Variants in IL1RAP observed in about 807,000 individuals in gnomAD.
The protein encoded by IL1RAP is interleukin-1 receptor accessory protein.
Under a neutral mutation model 60.7 loss-of-function variants are expected in IL1RAP, and 35 were observed. The observed-to-expected ratio is 0.58, with a 90% confidence interval of 0.44 to 0.76. IL1RAP has a LOEUF of 0.76. Among genes scored for constraint, IL1RAP ranks in the 30% least tolerant of loss-of-function variants. IL1RAP has a pLI of 0.00. For missense variants in IL1RAP, 572 were observed against 693.9 expected (o/e 0.82, Z 1.97); for synonymous variants, 268 against 250.9 (o/e 1.07, Z -0.64).
At chr3:190,598,345 C>T (rs1368138542) in intron 3 of IL1RAP, among the ~76,000 whole-genome samples, 1 of 151,812 alleles carries the variant, frequency 6.6e-6, no homozygotes, top group Admixed American at 6.6e-5. Context: ...TATACTTTAT[C>T]ATTCAAAGTG....
At chr3:190,588,848 G>A (rs764534912) in intron 3 of IL1RAP, among the ~76,000 whole-genome samples, 23 of 152,056 alleles carry the variant, frequency 1.5e-4, no homozygotes, top group South Asian at 8.3e-4. Flanking sequence ...ATAAAAGTAC[G>A]TATAAAAATT....
intron 1 of IL1RAP, among the ~76,000 whole-genome samples, chr3:190,524,153 T>C (rs897936224): frequency 6.6e-6 from 1 of 152,174 alleles, no homozygotes; most frequent in African/African-American, 2.4e-5. Flanking sequence ...GTTTCATGTA[T>C]GTCTTTGGAA....
chr3:190,651,052 C>T lies in IL1RAP; in HGVS notation c.*2347C>T. On this transcript the variant is annotated 3_prime_UTR_variant, in exon 12 of 12. Transcript: ENST00000447382. ...CAAGTTTATGTGATACGTATCATTG[C>T]AAGAGAATTTGTTTCAAGATTTTTT... 1 of 983,940 alleles carries T rather than the reference C, an allele frequency of 1.0e-6. No homozygotes were observed. Among genetic ancestry groups the T allele is most frequent in the East Asian group, 1.1e-4 (1 of 8,810 alleles). The allele number at this position is 983,940 out of a possible 1,614,324, so 61.0% of individuals were successfully genotyped here.
At chr3:190,626,664 C>CTTTTTTTTT (rs766018376) in intron 7 of IL1RAP, among the ~76,000 whole-genome samples, 2 of 99,988 alleles carry the variant, frequency 2.0e-5, no homozygotes, top group African/African-American at 8.7e-5. Flanking sequence ...TGTCAGAGAC[C>CTTTTTTTTT]TTTTTTTTTT....
intron 3 of IL1RAP, among the ~76,000 whole-genome samples, chr3:190,581,932 A>G (rs952326524): frequency 3.9e-5 from 6 of 152,174 alleles, no homozygotes; most frequent in African/African-American, 1.4e-4. Context: ...AGATGGCACC[A>G]ATACTGTGTT....
At chr3:190,599,859 C>A (rs1391866012) in intron 3 of IL1RAP, among the ~76,000 whole-genome samples, 1 of 148,886 alleles carries the variant, frequency 6.7e-6, no homozygotes, top group Non-Finnish European at 1.5e-5. Flanking sequence ...AAAAAAAAAT[C>A]TATTAAAGTT....
chr3:190,577,521 T>A (rs1473552115), intron 3 of IL1RAP, among the ~76,000 whole-genome samples: 1 of 152,170 alleles, frequency 6.6e-6, no homozygotes, highest in Non-Finnish European at 1.5e-5. Context: ...TGTGTAAGCA[T>A]GTGGAAAACC....
intron 3 of IL1RAP, among the ~76,000 whole-genome samples, chr3:190,576,981 G>C (rs1172165485): frequency 6.6e-6 from 1 of 151,508 alleles, no homozygotes; most frequent in Non-Finnish European, 1.5e-5. Context: ...GGCGCCTGTA[G>C]TCCCAGCTAC....
intron 5 of IL1RAP, among the ~76,000 whole-genome samples, chr3:190,614,453 T>C (rs1731087048): frequency 6.6e-6 from 1 of 151,998 alleles, no homozygotes; most frequent in African/African-American, 2.4e-5. Context: ...TTTGACAGAT[T>C]AGGAAATGGC....
intron 3 of IL1RAP, among the ~76,000 whole-genome samples, chr3:190,572,636 C>T (rs969035822): frequency 6.6e-6 from 1 of 152,080 alleles, no homozygotes; most frequent in Non-Finnish European, 1.5e-5. Context: ...TTTAAATACT[C>T]CCCCCTTTTT....
intron 3 of IL1RAP, among the ~76,000 whole-genome samples, chr3:190,597,867 T>A (rs1729516585): frequency 6.6e-6 from 1 of 152,304 alleles, no homozygotes; most frequent in African/African-American, 2.4e-5. Context: ...AATCTACATG[T>A]CGCTCATCAT....
At chr3:190,519,507 G>C (rs1321175580) in intron 1 of IL1RAP, among the ~76,000 whole-genome samples, 2 of 151,974 alleles carry the variant, frequency 1.3e-5, no homozygotes, top group Admixed American at 6.6e-5. Context: ...GTGTGCCTGA[G>C]TGCAAAGCCT....
At chr3:190,611,942 A>G (rs999978218) in intron 5 of IL1RAP, among the ~76,000 whole-genome samples, 14 of 152,222 alleles carry the variant, frequency 9.2e-5, no homozygotes, top group African/African-American at 3.4e-4. Flanking sequence ...GAAAAAAACT[A>G]TAAAGCAAAT....
chr3:190,604,656 G>A (rs1005372414), intron 4 of IL1RAP, among the ~76,000 whole-genome samples: 4 of 152,078 alleles, frequency 2.6e-5, no homozygotes, highest in East Asian at 3.9e-4. Flanking sequence ...AAAGTTGTCC[G>A]AAAGTGGAGC....
chr3:190,526,822 T>C (rs1722551700), intron 1 of IL1RAP, among the ~76,000 whole-genome samples: 1 of 152,250 alleles, frequency 6.6e-6, no homozygotes, highest in Non-Finnish European at 1.5e-5. Flanking sequence ...TTAACTTTCT[T>C]TTAAAAATCA....
At chr3:190,527,618 T>C (rs565590050) in intron 1 of IL1RAP, among the ~76,000 whole-genome samples, 1 of 151,994 alleles carries the variant, frequency 6.6e-6, no homozygotes, top group East Asian at 1.9e-4. Flanking sequence ...ACCAATGAGC[T>C]GAGTTCTATT....
intron 3 of IL1RAP, among the ~76,000 whole-genome samples, chr3:190,583,447 G>A (rs1235109160): frequency 6.6e-6 from 1 of 152,202 alleles, no homozygotes; most frequent in Non-Finnish European, 1.5e-5. Context: ...ACTGATCTCT[G>A]TTTTTACTGT....
chr3:190,571,169 T>G (rs888450808), intron 3 of IL1RAP, among the ~76,000 whole-genome samples: 1 of 152,126 alleles, frequency 6.6e-6, no homozygotes, highest in Non-Finnish European at 1.5e-5. Flanking sequence ...TTTTATTAAT[T>G]TATTATGGTG....
intron 3 of IL1RAP, among the ~76,000 whole-genome samples, chr3:190,579,027 T>A (rs2108673331): frequency 6.6e-6 from 1 of 152,332 alleles, no homozygotes; most frequent in East Asian, 1.9e-4. Flanking sequence ...GCCCTAAACC[T>A]ATCTATACAC....
Sources: allele counts gnomAD v4.1 joint callset (sites outside exome capture counted in the v4.1 genomes callset), GRCh38; gene constraint gnomAD v4.1.1; transcripts MANE v1.5; gene names NCBI Gene and HGNC (gene_info 2026-07-23, HGNC 2026-07-21).